Variants in PDE7B observed in about 807,000 individuals in gnomAD.
PDE7B encodes 3',5'-cyclic-AMP phosphodiesterase 7B.
PDE7B carries 29 observed loss-of-function variants against 56.2 expected under a neutral mutation model. That is an observed-to-expected ratio of 0.52 (90% CI 0.38 to 0.70). The LOEUF (loss-of-function observed/expected upper bound fraction) is 0.70, where lower values mean the gene tolerates loss of function less well. Ranked by LOEUF, PDE7B falls within the 30% of genes least tolerant of loss-of-function variation. The pLI, the probability that PDE7B is intolerant of heterozygous loss-of-function variation, is 0.00. For synonymous variants in PDE7B, 197 were observed against 196.9 expected (o/e 1.00, Z 0.00); for missense variants, 490 against 565.0 (o/e 0.87, Z 1.35).
chr6:136,156,215 G>A (rs1015552239), intron 8 of PDE7B: 33 of 286,276 alleles, frequency 1.2e-4, no homozygotes, highest in South Asian at 9.3e-4. Context: ...TCAGAAACAG[G>A]GTCTTGCTTT....
Position 136,060,585 on chromosome 6 carries a change from T to C in PDE7B, c.83-48146T>C, listed in dbSNP as rs188313377. On this transcript the variant is annotated intron_variant, in intron 2 of 12. Coordinates refer to ENST00000308191, the MANE Select transcript of PDE7B (RefSeq NM_018945.4). ...ATTTAGGATGTACAAAAATCATTTA[T>C]TTAGATTAGCTCCTTAATTCTTATA... is the stretch of plus-strand genomic sequence containing the variant. Among the ~76,000 whole-genome samples, 3 of 152,302 alleles carry C rather than the reference T, an allele frequency of 2.0e-5. No homozygotes were observed. In the East Asian group the frequency reaches 5.8e-4, roughly 29 times the overall value.
At chr6:136,164,939 G>A (rs1778768931) in intron 8 of PDE7B, among the ~76,000 whole-genome samples, 1 of 152,132 alleles carries the variant, frequency 6.6e-6, no homozygotes, top group Non-Finnish European at 1.5e-5. Context: ...ACCCAGAAGA[G>A]TGATATAGTA....
In PDE7B at chr6:135,889,750, ATTT is replaced by A. The variant is rs35311247; in HGVS notation, c.21+37752_21+37754del. On this transcript the variant is annotated intron_variant, in intron 1 of 12. Transcript: ENST00000308191. ...GCCACCGCACCCAGACGGTGCTACCATTTTTTTTTTTTTTTTTTTTTTTGAGAT... is the reference window on the plus strand; with the variant it reads ...GCCACCGCACCCAGACGGTGCTACCATTTTTTTTTTTTTTTTTTTTGAGAT... Among the ~76,000 whole-genome samples, 743 of 74,822 alleles carry A rather than the reference ATTT, an allele frequency of 9.9e-3. 21 individuals carry two copies. The highest frequency in any genetic ancestry group is 0.046 in the African/African-American group (670 of 14,592). 49.1% of individuals were successfully genotyped at this position (74,822 alleles called of 152,430 possible).
In PDE7B at chr6:136,054,657, T is replaced by G. The variant is rs189197205; in HGVS notation, c.83-54074T>G. ...AAATTACCTTGGGCAGTATGGCCAT[T>G]TTCACGATATTGATTCTTCCTACCC... On this transcript the variant is annotated intron_variant, in intron 2 of 12. Coordinates refer to ENST00000308191, the MANE Select transcript of PDE7B (RefSeq NM_018945.4). 7.5e-4 allele frequency among the ~76,000 whole-genome samples: 114 copies of G among 152,278 alleles called. 1 individual carries two copies. The East Asian group carries it at 0.021, about 28-fold the overall frequency.
intron 2 of PDE7B, among the ~76,000 whole-genome samples, chr6:135,994,560 T>C (rs192009336): frequency 3.3e-4 from 51 of 152,322 alleles, no homozygotes; most frequent in Admixed American, 3.2e-3. Context: ...CTCCACAATT[T>C]ATAGAAGTCA....
chr6:136,108,231 C>T (rs185416573), intron 2 of PDE7B, among the ~76,000 whole-genome samples: 1 of 151,990 alleles, frequency 6.6e-6, no homozygotes, highest in African/African-American at 2.4e-5. Context: ...CAAGAGTGGC[C>T]AAGTGCCTGG....
rs114258647 is a variant in PDE7B at position 135,884,087 on chromosome 6, T to C, written c.21+32068T>C. Among the ~76,000 whole-genome samples the C allele has an allele frequency of 6.0e-3, 917 of 152,352 alleles. 14 individuals are homozygous for C. The highest frequency in any genetic ancestry group is 0.021 in the African/African-American group (869 of 41,580). On this transcript the variant is annotated intron_variant, in intron 1 of 12. Transcript: ENST00000308191. ...GTATGTATAAATAAATTCCTGCCAT[T>C]TGAATTATAGCAGCTCATATCCCAC...
intron 2 of PDE7B, among the ~76,000 whole-genome samples, chr6:135,979,414 C>T (rs1297878930): frequency 1.3e-5 from 2 of 151,674 alleles, no homozygotes; most frequent in Non-Finnish European, 2.9e-5. Context: ...GGAGGATTCC[C>T]TCTTTTTCTA....
chr6:136,181,423 C>A, intron 11 of PDE7B, 100 bp downstream of exon 11: 2 of 749,948 alleles, frequency 2.7e-6, no homozygotes, highest in Non-Finnish European at 4.7e-6. Flanking sequence ...GACATTTGTT[C>A]TCTCATCAAC....
intron 2 of PDE7B, among the ~76,000 whole-genome samples, 174 bp downstream of exon 2, chr6:135,947,698 G>A (rs1412837032): frequency 1.3e-5 from 2 of 151,948 alleles, no homozygotes; most frequent in East Asian, 3.9e-4. Context: ...GATGAGAAAA[G>A]GTTCTGATTT....
chr6:136,130,191 T>C lies in PDE7B; in HGVS notation c.167-17160T>C, dbSNP rs144131911. Among the ~76,000 whole-genome samples the C allele has an allele frequency of 2.6e-5, 4 of 152,306 alleles. No individual in the cohort carries two copies. The East Asian group carries it at 5.8e-4, about 22-fold the overall frequency. On this transcript the variant is annotated intron_variant, in intron 3 of 12. Coordinates refer to ENST00000308191, the MANE Select transcript of PDE7B (RefSeq NM_018945.4). Reference sequence around the variant, plus strand: ...CATTACCAGAAAGGATACAGTCTCATAGAGCGCAACTCTCAAGCCCATATG... The same window carrying C: ...CATTACCAGAAAGGATACAGTCTCACAGAGCGCAACTCTCAAGCCCATATG...
At chr6:136,148,369 G>GAAAGA (rs1330774893) in intron 4 of PDE7B, among the ~76,000 whole-genome samples, 5 of 132,500 alleles carry the variant, frequency 3.8e-5, no homozygotes, top group Non-Finnish European at 6.3e-5. Flanking sequence ...AAGAAAGAAG[G>GAAAGA]AAAGAAAAGA....
intron 3 of PDE7B, among the ~76,000 whole-genome samples, 187 bp from the exon 4 acceptor site, chr6:136,147,164 A>T (rs1014833503): frequency 3.0e-4 from 14 of 47,036 alleles, no homozygotes; most frequent in Admixed American, 2.6e-3. Context: ...AGTAAAAATT[A>T]AAAAAAAAAC....
rs141446182 is a variant in PDE7B, at chr6:136,151,280, A to T, written c.478+25A>T. 7.7e-4 allele frequency: 933 copies of T among 1,217,264 alleles called. 1 individual carries two copies. Among genetic ancestry groups the T allele is most frequent in the Non-Finnish European group, 1.0e-3 (851 of 819,058 alleles). 75.4% of individuals were successfully genotyped at this position (1,217,264 alleles called of 1,614,324 possible). On this transcript the variant is annotated intron_variant, in intron 6 of 12. Transcript: ENST00000308191. ...GGTAAGTCCTTTTTTTCACATTTCTAGCCCCATTCTCTTGAATAATGGCAA... is the reference window on the plus strand; with the variant it reads ...GGTAAGTCCTTTTTTTCACATTTCTTGCCCCATTCTCTTGAATAATGGCAA...
At chr6:135,906,827 T>TTTTTTTTTTGTTTTTTTTTTTTTG (rs1554265693) in intron 1 of PDE7B, among the ~76,000 whole-genome samples, 6 of 133,452 alleles carry the variant, frequency 4.5e-5, no homozygotes, top group South Asian at 2.7e-4. Flanking sequence ...TTTTTTTTTT[T>TTTTTTTTTTGTTTTTTTTTTTTTG]TTTTTTTTTA....
At chr6:135,901,685 T>C (rs1306472341) in intron 1 of PDE7B, among the ~76,000 whole-genome samples, 4 of 152,190 alleles carry the variant, frequency 2.6e-5, no homozygotes, top group Non-Finnish European at 5.9e-5. Flanking sequence ...AAGCACTTTA[T>C]GAGTTTCCAA....
intron 2 of PDE7B, among the ~76,000 whole-genome samples, chr6:135,957,545 G>C (rs1157568101): frequency 6.6e-6 from 1 of 152,074 alleles, no homozygotes; most frequent in African/African-American, 2.4e-5. Flanking sequence ...TAATCTGCAA[G>C]GGGATGCCTT....
At chr6:136,040,361 TTCA>T (rs1776392996) in intron 2 of PDE7B, among the ~76,000 whole-genome samples, 1 of 152,198 alleles carries the variant, frequency 6.6e-6, no homozygotes, top group African/African-American at 2.4e-5. Context: ...ATAAAACCTT[TTCA>T]TCATCATCCA....
At chr6:135,861,410 C>T (rs1450394017) in intron 1 of PDE7B, among the ~76,000 whole-genome samples, 3 of 151,580 alleles carry the variant, frequency 2.0e-5, no homozygotes, top group African/African-American at 7.3e-5. Flanking sequence ...TCCCTGTTTA[C>T]TAATGGTCTG....
Sources: allele counts gnomAD v4.1 joint callset (sites outside exome capture counted in the v4.1 genomes callset), GRCh38; gene constraint gnomAD v4.1.1; transcripts MANE v1.5; gene names NCBI Gene and HGNC (gene_info 2026-07-23, HGNC 2026-07-21).